Variants in TENT4B observed in about 807,000 individuals in gnomAD.
TENT4B encodes terminal nucleotidyltransferase 4B, also known as PAP associated domain containing 5.
TENT4B carries 10 observed loss-of-function variants against 75.0 expected under a neutral mutation model. The ratio of observed to expected loss-of-function variants is 0.13; its 90% CI spans 0.08 to 0.23. TENT4B has a LOEUF of 0.23. Among genes scored for constraint, TENT4B ranks in the 10% least tolerant of loss-of-function variants. The pLI, the probability that TENT4B is intolerant of heterozygous loss-of-function variation, is 1.00. For synonymous variants in TENT4B, 350 were observed against 357.7 expected, an observed-to-expected ratio of 0.98 and a Z score of 0.24; for missense variants, 579 against 893.8, an observed-to-expected ratio of 0.65 and a Z score of 4.49.
chr16:50,225,856 G>C (rs2032027191), intron 10 of TENT4B, among the ~76,000 whole-genome samples: 1 of 151,582 alleles, frequency 6.6e-6, no homozygotes, highest in Admixed American at 6.6e-5. Context: ...CTAATTTTTT[G>C]TATTTTTAGT....
At chr16:50,156,874 C>T (rs894199973) in intron 1 of TENT4B, among the ~76,000 whole-genome samples, 9 of 151,980 alleles carry the variant, frequency 5.9e-5, no homozygotes, top group African/African-American at 1.9e-4. Context: ...GTTGCCTAGG[C>T]TGGTCTTCAA....
rs567285050 is a variant in TENT4B, at chr16:50,164,173, TAAAA to T, written c.638+9917_638+9920del. ...ACTTCATCTCAAAAAAAATAAAAAATAAAAAAGAAAGAAAGAAAGAAATGGGATC... is the reference window on the plus strand; with the variant it reads ...ACTTCATCTCAAAAAAAATAAAAAATAAGAAAGAAAGAAAGAAATGGGATC... On this transcript the variant is annotated intron_variant, in intron 1 of 11. Transcript: ENST00000561678. Among the ~76,000 whole-genome samples, 234 of 151,806 alleles carry T rather than the reference TAAAA, an allele frequency of 1.5e-3. 2 individuals carry two copies. Among genetic ancestry groups the T allele is most frequent in the African/African-American group, 4.6e-3 (192 of 41,402 alleles).
rs1316468244 is a variant in TENT4B at position 50,154,073 on chromosome 16, C to G, written c.452C>G (p.Ala151Gly). The part of the protein sequence containing the change: ...PSAAVPAADP[A>G]DSASGSSNKR... ...GCCGCCGTCCCCGCCGCCGATCCAG[C>G]CGATTCGGCCTCGGGCAGCAGCAAC... The change falls in exon 1 of 12, where the codon GCC (alanine) becomes GGC (glycine). Residue 151 changes from alanine to glycine, a missense_variant. Physicochemically the swap from Ala to Gly is moderately conservative, Grantham distance 60. This residue lies in a region of TENT4B where 253 missense variants were observed against 270.1 expected (regional missense o/e 0.94). Transcript: ENST00000561678. 3 of 1,532,066 alleles carry G rather than the reference C, an allele frequency of 2.0e-6. No homozygotes were observed. Among genetic ancestry groups the G allele is most frequent in the East Asian group, 2.5e-5 (1 of 40,720 alleles). 94.9% of individuals were successfully genotyped at this position (1,532,066 alleles called of 1,614,324 possible). A position where few individuals can be genotyped will look rare whatever the true frequency, so the allele number is the denominator to read the frequency against.
At chr16:50,222,515 C>T (rs1184274460) in intron 6 of TENT4B, 81 bp downstream of exon 6, 8 of 1,459,998 alleles carry the variant, frequency 5.5e-6, no homozygotes, top group South Asian at 1.3e-5. Context: ...TGGAAAAAAT[C>T]GAAATCAACC....
At chr16:50,206,354 ATTTTTTTTTTTTT>A (rs35118426) in intron 1 of TENT4B, among the ~76,000 whole-genome samples, 12 of 96,550 alleles carry the variant, frequency 1.2e-4, no homozygotes, top group Non-Finnish European at 2.3e-4. Flanking sequence ...ATATGTATGT[ATTTTTTTTTTTTT>A]TTTTTTTTTG....
chr16:50,229,016 A>G, intron 11 of TENT4B, 136 bp from the exon 12 acceptor site: 1 of 1,475,072 alleles, frequency 6.8e-7, no homozygotes, highest in Non-Finnish European at 9.0e-7. Context: ...TGCCCACTAG[A>G]TAAGTCAGTG....
chr16:50,217,465 T>C, intron 4 of TENT4B, 91 bp from the exon 5 acceptor site: 1 of 655,638 alleles, frequency 1.5e-6, no homozygotes, highest in Non-Finnish European at 2.6e-6. Context: ...CATGAGATGA[T>C]GGAGACCTCA....
intron 1 of TENT4B, among the ~76,000 whole-genome samples, chr16:50,189,068 T>G (rs527981956): frequency 6.6e-6 from 1 of 152,306 alleles, no homozygotes; most frequent in East Asian, 1.9e-4. Context: ...GATCCGTATC[T>G]TTTTCTTAAT....
Position 50,234,192 on chromosome 16 carries a change from G to A in TENT4B, c.*4864G>A, listed in dbSNP as rs1250358012. ...GCTCAGGCCGGGCATGGTGGCTCAC[G>A]CCTGTAATCCCAGCACTTTGGGAGG... On this transcript the variant is annotated 3_prime_UTR_variant, in exon 12 of 12. Coordinates refer to ENST00000561678, the MANE Select transcript of TENT4B (RefSeq NM_001365324.3). The A allele has an allele frequency of 1.0e-5, 10 of 985,418 alleles. No individual in the cohort carries two copies. The highest frequency in any genetic ancestry group is 1.1e-4 in the East Asian group (1 of 8,832). The allele number at this position is 985,418 out of a possible 1,614,324, so 61.0% of individuals were successfully genotyped here.
chr16:50,227,959 A>G lies in TENT4B; in HGVS notation c.1921A>G (p.Ser641Gly), dbSNP rs750702247. 20 of 1,613,944 alleles carry G rather than the reference A, an allele frequency of 1.2e-5. No homozygotes were observed. The highest frequency in any genetic ancestry group is 1.6e-5 in the Non-Finnish European group (19 of 1,179,910). The change falls in exon 11 of 12, where the codon AGC (serine) becomes GGC (glycine). Residue 641 changes from serine to glycine, a missense_variant. Ser to Gly is a moderately conservative substitution (Grantham distance 56). This residue lies in a region of TENT4B where 164 missense variants were observed against 226.5 expected (regional missense o/e 0.72). Coordinates refer to ENST00000561678, the MANE Select transcript of TENT4B (RefSeq NM_001365324.3). ...ESSQAVGKMQ[S>G]TQTTNTSNST... ...CTCTCAGGCAGTTGGGAAAATGCAA[A>G]GCACCCAAACCACTAACACATCCAA...
At chr16:50,216,027 A>C in intron 3 of TENT4B, 48 bp from the exon 4 acceptor site, 1 of 1,609,124 alleles carries the variant, frequency 6.2e-7, no homozygotes. Flanking sequence ...CAGTTAAAAC[A>C]AGTTTCCAAC....
chr16:50,194,041 C>T lies in TENT4B; in HGVS notation c.639-17282C>T, dbSNP rs148171492. Among the ~76,000 whole-genome samples the T allele has an allele frequency of 5.1e-3, 779 of 152,220 alleles. 5 individuals carry two copies. The highest frequency in any genetic ancestry group is 7.9e-3 in the Admixed American group (121 of 15,288). ...GGGCACTCAGCTAGAAAAGTCTGAG[C>T]CAGGATTTCAAGTCCCATGGCTTTA... On this transcript the variant is annotated intron_variant, in intron 1 of 11. Coordinates refer to ENST00000561678, the MANE Select transcript of TENT4B (RefSeq NM_001365324.3).
chr16:50,228,481 T>C (rs1192260232), intron 11 of TENT4B, among the ~76,000 whole-genome samples: 2 of 152,190 alleles, frequency 1.3e-5, no homozygotes, highest in Non-Finnish European at 1.5e-5. Flanking sequence ...TAGTTTAAGT[T>C]TTTTTGTTGC....
intron 1 of TENT4B, among the ~76,000 whole-genome samples, chr16:50,193,882 T>C (rs1437102609): frequency 3.6e-4 from 55 of 152,198 alleles, no homozygotes; most frequent in Non-Finnish European, 2.6e-4. Flanking sequence ...ATCCCATGGC[T>C]GCTAAAGCTG....
intron 1 of TENT4B, among the ~76,000 whole-genome samples, chr16:50,181,538 C>T (rs1434203011): frequency 6.7e-6 from 1 of 149,470 alleles, no homozygotes; most frequent in Non-Finnish European, 1.5e-5. Context: ...CTCCTGAGCT[C>T]AAGCAACTCA....
At position 50,153,558 on chromosome 16, in the gene TENT4B, G is replaced by A; in HGVS notation, c.-64G>A. The A allele has an allele frequency of 1.0e-6, 1 of 971,940 alleles. No homozygotes were observed. The highest frequency in any genetic ancestry group is 1.2e-6 in the Non-Finnish European group (1 of 821,110). 60.2% of individuals were successfully genotyped at this position (971,940 alleles called of 1,614,324 possible). On this transcript the variant is annotated 5_prime_UTR_variant, in exon 1 of 12. Coordinates refer to ENST00000561678, the MANE Select transcript of TENT4B (RefSeq NM_001365324.3). ...CAGCCGAGGCCGGGCGTGCGCCTGAGGCGGCGGCGGCGGCGGCCCTGCGGG... is the reference window on the plus strand; with the variant it reads ...CAGCCGAGGCCGGGCGTGCGCCTGAAGCGGCGGCGGCGGCGGCCCTGCGGG...
At chr16:50,205,066 A>AT (rs1047886135) in intron 1 of TENT4B, among the ~76,000 whole-genome samples, 4 of 152,090 alleles carry the variant, frequency 2.6e-5, no homozygotes, top group African/African-American at 4.8e-5. Flanking sequence ...TCTTTAATGA[A>AT]TTTTTTTATG....
intron 1 of TENT4B, among the ~76,000 whole-genome samples, chr16:50,173,273 C>G (rs1185363322): frequency 6.6e-6 from 1 of 152,000 alleles, no homozygotes; most frequent in Admixed American, 6.6e-5. Flanking sequence ...CTGAATAATA[C>G]TCCATTGTAT....
intron 1 of TENT4B, among the ~76,000 whole-genome samples, chr16:50,184,936 T>G (rs954679531): frequency 6.6e-6 from 1 of 152,150 alleles, no homozygotes; most frequent in Non-Finnish European, 1.5e-5. Context: ...CTTTTGGTTC[T>G]GAGTGTTAAT....
Sources: allele counts gnomAD v4.1 joint callset (sites outside exome capture counted in the v4.1 genomes callset), GRCh38; gene constraint gnomAD v4.1.1; regional missense constraint gnomAD v4.1.1; transcripts MANE v1.5; gene names NCBI Gene and HGNC (gene_info 2026-07-23, HGNC 2026-07-21).